Variants in LARGE1 observed in about 807,000 individuals in gnomAD.
LARGE1 encodes LARGE xylosyl- and glucuronyltransferase 1.
LARGE1 carries 43 observed loss-of-function variants against 87.6 expected under a neutral mutation model. The ratio of observed to expected loss-of-function variants is 0.49; its 90% CI spans 0.38 to 0.63. LARGE1 has a LOEUF of 0.63. Ranked by LOEUF, LARGE1 falls within the 30% of genes least tolerant of loss-of-function variation. LARGE1 has a pLI of 0.00. For missense variants in LARGE1, 802 were observed against 1,000.2 expected, an observed-to-expected ratio of 0.80 and a Z score of 2.67; for synonymous variants, 434 against 394.6, an observed-to-expected ratio of 1.10 and a Z score of -1.18.
At position 33,363,356 on chromosome 22, in the gene LARGE1, T is replaced by C. The variant is rs1436855593; in HGVS notation, c.1131+18563A>G. On this transcript the variant is annotated intron_variant, in intron 9 of 14. Coordinates refer to ENST00000397394, the MANE Select transcript of LARGE1 (RefSeq NM_133642.5). ...TGTGGCTGGGGAGGCCTCACAATCA[T>C]GGTGGAAGGTGAAAGGCATGGCTTA... Among the ~76,000 whole-genome samples, 4 of 149,940 alleles carry C rather than the reference T, an allele frequency of 2.7e-5. 1 individual carries two copies. The highest frequency in any genetic ancestry group is 6.0e-5 in the Non-Finnish European group (4 of 67,200).
intron 1 of LARGE1, among the ~76,000 whole-genome samples, chr22:33,848,293 C>T (rs1383359321): frequency 6.6e-6 from 1 of 152,176 alleles, no homozygotes; most frequent in Non-Finnish European, 1.5e-5. Context: ...TCCTCACCAA[C>T]AGGCTTACGT....
At chr22:33,161,582 A>G (rs1922025142), downstream of LARGE1, among the ~76,000 whole-genome samples, 1 of 152,238 alleles carries the variant, frequency 6.6e-6, no homozygotes, top group South Asian at 2.1e-4. Flanking sequence ...TGGCCAAAAC[A>G]AAAGGGTTAC....
chr22:33,619,470 G>A (rs898460967), intron 4 of LARGE1, among the ~76,000 whole-genome samples: 1 of 150,592 alleles, frequency 6.6e-6, no homozygotes, highest in Non-Finnish European at 1.5e-5. Flanking sequence ...AAGGAGAATT[G>A]CTTGAACTTG....
intron 6 of LARGE1, among the ~76,000 whole-genome samples, chr22:33,510,820 C>T (rs2071021622): frequency 6.6e-6 from 1 of 152,180 alleles, no homozygotes; most frequent in Admixed American, 6.5e-5. Flanking sequence ...CTCCTGAACT[C>T]AAGCAATCCG....
intron 1 of LARGE1, among the ~76,000 whole-genome samples, chr22:33,840,702 G>A (rs774724136): frequency 6.6e-6 from 1 of 151,326 alleles, no homozygotes; most frequent in Non-Finnish European, 1.5e-5. Flanking sequence ...AAAGGGTCTC[G>A]CTCAGTCACC....
intron 2 of LARGE1, among the ~76,000 whole-genome samples, chr22:33,696,902 T>A (rs1240680545): frequency 1.3e-5 from 2 of 152,120 alleles, no homozygotes; most frequent in Non-Finnish European, 2.9e-5. Context: ...CCAGTTCGAG[T>A]GAACTGCAGC....
rs140746603 is a variant in LARGE1 at position 33,422,667 on chromosome 22, G to A, written c.892+9494C>T. ...TGGGATCACAGGTGCATGCCACCAC[G>A]CCTGGCTAATTTTTTGTATCTTTAG... On this transcript the variant is annotated intron_variant, in intron 7 of 14. Coordinates refer to ENST00000397394, the MANE Select transcript of LARGE1 (RefSeq NM_133642.5). Among the ~76,000 whole-genome samples the A allele has an allele frequency of 7.9e-3, 1,197 of 152,096 alleles. 16 individuals carry two copies. Among genetic ancestry groups the A allele is most frequent in the African/African-American group, 0.028 (1,149 of 41,504 alleles).
chr22:33,102,209 A>C, the LARGE1 span, among the ~76,000 whole-genome samples: 1 of 145,528 alleles, frequency 6.9e-6, no homozygotes, highest in Non-Finnish European at 1.5e-5. Context: ...TCACTCTGTC[A>C]CCAGTCTGGA....
chr22:33,279,393 C>T (rs933083824), intron 13 of LARGE1, among the ~76,000 whole-genome samples: 10 of 152,286 alleles, frequency 6.6e-5, no homozygotes, highest in East Asian at 1.9e-4. Context: ...GCAAGGGAGG[C>T]GCTAAGTGAG....
At chr22:33,389,195 T>C (rs558176609) in intron 7 of LARGE1, among the ~76,000 whole-genome samples, 10 of 152,324 alleles carry the variant, frequency 6.6e-5, no homozygotes, top group South Asian at 2.1e-4. Flanking sequence ...ACAGTTTCAA[T>C]AGCAGGCTTA....
At chr22:33,414,513 T>C (rs753594470) in intron 7 of LARGE1, among the ~76,000 whole-genome samples, 5 of 152,136 alleles carry the variant, frequency 3.3e-5, no homozygotes, top group Non-Finnish European at 7.4e-5. Flanking sequence ...GGGTAGGACG[T>C]AGCTAACAAA....
intron 3 of LARGE1, among the ~76,000 whole-genome samples, chr22:33,627,742 A>G (rs2079967392): frequency 6.6e-6 from 1 of 152,044 alleles, no homozygotes; most frequent in African/African-American, 2.4e-5. Context: ...TCCAATCCAC[A>G]TCCATGACCC....
chr22:33,259,349 AAC>A (rs1359473326), intron 11 of LARGE1, among the ~76,000 whole-genome samples: 5 of 134,398 alleles, frequency 3.7e-5, no homozygotes, highest in African/African-American at 1.3e-4. Flanking sequence ...CACACACACA[AAC>A]ACACACATGC....
At chr22:33,471,760 C>T (rs539623397) in intron 6 of LARGE1, among the ~76,000 whole-genome samples, 29 of 152,168 alleles carry the variant, frequency 1.9e-4, no homozygotes, top group South Asian at 8.3e-4. Context: ...AGAGGCCAGG[C>T]GCGGTGGCTC....
At chr22:33,477,243 C>T (rs1212231239) in intron 6 of LARGE1, among the ~76,000 whole-genome samples, 1 of 152,180 alleles carries the variant, frequency 6.6e-6, no homozygotes, top group Non-Finnish European at 1.5e-5. Flanking sequence ...ACTATAATTA[C>T]AGGCTGCAGC....
At chr22:33,502,718 G>C (rs2070528257) in intron 6 of LARGE1, among the ~76,000 whole-genome samples, 1 of 152,042 alleles carries the variant, frequency 6.6e-6, no homozygotes. Flanking sequence ...ACAGGCGCCT[G>C]CCACCACGCC....
chr22:33,833,550 C>T (rs1182114379), intron 1 of LARGE1, among the ~76,000 whole-genome samples: 1 of 152,192 alleles, frequency 6.6e-6, no homozygotes. Flanking sequence ...GACTTCTAGC[C>T]TGCAGAACTG....
chr22:33,185,453 A>G (rs1179175034), intron 11 of LARGE1, among the ~76,000 whole-genome samples: 1 of 152,188 alleles, frequency 6.6e-6, no homozygotes. Flanking sequence ...CAGTTAAACT[A>G]TGTTGTATGA....
At chr22:33,667,935 A>C (rs1569356384) in intron 2 of LARGE1, among the ~76,000 whole-genome samples, 1 of 152,226 alleles carries the variant, frequency 6.6e-6, no homozygotes, top group Non-Finnish European at 1.5e-5. Context: ...AGTGTGGGGT[A>C]AACTTAAAAG....
Sources: gnomAD v4.1 joint callset for allele counts (sites outside exome capture counted in the v4.1 genomes callset) on GRCh38, gnomAD v4.1.1 for gene constraint, MANE v1.5 for transcripts, NCBI Gene and HGNC (gene_info 2026-07-23, HGNC 2026-07-21) for gene names.